TENM4: variants seen among roughly 807,000 people sequenced by gnomAD.
The protein encoded by TENM4 is teneurin transmembrane protein 4.
Under a neutral mutation model 243.3 loss-of-function variants are expected in TENM4, and 82 were observed. The ratio of observed to expected loss-of-function variants is 0.34; its 90% CI spans 0.28 to 0.40. The LOEUF (loss-of-function observed/expected upper bound fraction) is 0.40. Among genes scored for constraint, TENM4 ranks in the 10% least tolerant of loss-of-function variants. TENM4 has a pLI of 1.00. For synonymous variants in TENM4, 1,412 were observed against 1,456.3 expected (o/e 0.97, Z 0.69); for missense variants, 3,138 against 3,673.3 (o/e 0.85, Z 3.77).
intron 4 of TENM4, among the ~76,000 whole-genome samples, chr11:79,143,035 G>A (rs1188378660): frequency 6.6e-6 from 1 of 152,130 alleles, no homozygotes; most frequent in Non-Finnish European, 1.5e-5. Flanking sequence ...AACATGTGCT[G>A]GAGAGGATGT....
At chr11:79,411,030 C>T (rs887932054) in intron 1 of TENM4, among the ~76,000 whole-genome samples, 1 of 152,224 alleles carries the variant, frequency 6.6e-6, no homozygotes, top group Non-Finnish European at 1.5e-5. Context: ...CCCATATTCT[C>T]TACTAGCTTG....
At chr11:78,718,705 G>A (rs1324292613) in intron 25 of TENM4, among the ~76,000 whole-genome samples, 1 of 152,182 alleles carries the variant, frequency 6.6e-6, no homozygotes, top group Non-Finnish European at 1.5e-5. Context: ...ACATAGTTCA[G>A]TATCATCCAT....
intron 6 of TENM4, among the ~76,000 whole-genome samples, chr11:79,002,645 C>A (rs1353263813): frequency 6.6e-6 from 1 of 152,270 alleles, no homozygotes; most frequent in Non-Finnish European, 1.5e-5. Context: ...ATCAAAAAAA[C>A]CCATTGGAAG....
intron 9 of TENM4, among the ~76,000 whole-genome samples, chr11:78,871,371 T>C (rs1859124447): frequency 6.6e-6 from 1 of 152,170 alleles, no homozygotes; most frequent in East Asian, 1.9e-4. Flanking sequence ...ATCTTCATTG[T>C]GTATCAAGGT....
At chr11:79,421,150 T>G (rs2135590004) in intron 1 of TENM4, among the ~76,000 whole-genome samples, 1 of 152,344 alleles carries the variant, frequency 6.6e-6, no homozygotes, top group Non-Finnish European at 1.5e-5. Context: ...CACTGGTCAA[T>G]TTTTGCAATG....
intron 2 of TENM4, among the ~76,000 whole-genome samples, chr11:79,275,525 C>G (rs1856041008): frequency 6.6e-6 from 1 of 152,216 alleles, no homozygotes; most frequent in Admixed American, 6.5e-5. Context: ...ACAACTCCAC[C>G]AGGCAGGTAC....
chr11:78,999,443 G>A (rs1858259919), intron 6 of TENM4, among the ~76,000 whole-genome samples: 1 of 151,310 alleles, frequency 6.6e-6, no homozygotes, highest in African/African-American at 2.4e-5. Flanking sequence ...ATGAACCCGG[G>A]AGACGGAGCT....
At chr11:78,732,713 T>C (rs1237905139) in intron 20 of TENM4, 136 bp from the exon 21 acceptor site, 41 of 1,029,868 alleles carry the variant, frequency 4.0e-5, no homozygotes, top group Non-Finnish European at 5.4e-5. Context: ...CTCTAATGCC[T>C]AAATATTTGA....
chr11:79,129,337 A>T (rs2137155713), intron 4 of TENM4, among the ~76,000 whole-genome samples: 1 of 152,288 alleles, frequency 6.6e-6, no homozygotes, highest in South Asian at 2.1e-4. Context: ...TCTCCAGCTG[A>T]ACTCTGTAAC....
intron 6 of TENM4, among the ~76,000 whole-genome samples, chr11:78,994,774 T>G (rs1216937746): frequency 6.6e-6 from 1 of 152,206 alleles, no homozygotes; most frequent in Non-Finnish European, 1.5e-5. Context: ...TATCAATCTC[T>G]GTTTTGTGTT....
chr11:79,200,881 C>T (rs747174955), intron 3 of TENM4, among the ~76,000 whole-genome samples: 2 of 152,208 alleles, frequency 1.3e-5, no homozygotes, highest in Non-Finnish European at 2.9e-5. Context: ...CTCTGGTTGC[C>T]TTAATACCCA....
At chr11:79,214,664 C>T (rs1410128809) in intron 3 of TENM4, among the ~76,000 whole-genome samples, 3 of 152,228 alleles carry the variant, frequency 2.0e-5, no homozygotes, top group African/African-American at 7.2e-5. Flanking sequence ...TCCCACACCT[C>T]CTGGAATCCC....
chr11:78,780,085 C>T (rs1001661677), intron 16 of TENM4, among the ~76,000 whole-genome samples: 7 of 151,986 alleles, frequency 4.6e-5, no homozygotes, highest in African/African-American at 1.2e-4. Context: ...TTACAGATGT[C>T]GTGGAGTCCA....
At chr11:79,347,681 C>A (rs1834721030) in intron 1 of TENM4, among the ~76,000 whole-genome samples, 1 of 151,960 alleles carries the variant, frequency 6.6e-6, no homozygotes, top group Admixed American at 6.5e-5. Flanking sequence ...CTTCAGCCTC[C>A]ATTTCCCTGT....
chr11:78,744,521 G>A (rs1245969420), intron 19 of TENM4, among the ~76,000 whole-genome samples: 1 of 152,332 alleles, frequency 6.6e-6, no homozygotes, highest in East Asian at 1.9e-4. Context: ...GATTCGCCAT[G>A]AGAACTTGGG....
chr11:79,318,169 A>T (rs951325995), intron 1 of TENM4, among the ~76,000 whole-genome samples: 1 of 152,166 alleles, frequency 6.6e-6, no homozygotes, highest in African/African-American at 2.4e-5. Context: ...ATACAAAGAC[A>T]GTCAATACAA....
intron 3 of TENM4, among the ~76,000 whole-genome samples, chr11:79,175,218 TATAGCTGAGAA>T (rs1863134548): frequency 6.6e-6 from 1 of 152,160 alleles, no homozygotes; most frequent in Admixed American, 6.6e-5. Flanking sequence ...GTCCAATGCC[TATAGCTGAGAA>T]ATTATAATAA....
chr11:79,382,846 C>T (rs1327438261), intron 1 of TENM4, among the ~76,000 whole-genome samples: 1 of 152,150 alleles, frequency 6.6e-6, no homozygotes, highest in African/African-American at 2.4e-5. Context: ...AAAACCACTG[C>T]CATCAACCCT....
At chr11:79,132,361 A>AAAAAAAAAAAG (rs1353670850) in intron 4 of TENM4, among the ~76,000 whole-genome samples, 1 of 149,992 alleles carries the variant, frequency 6.7e-6, no homozygotes, top group African/African-American at 2.4e-5. Context: ...AAAAAAAAAA[A>AAAAAAAAAAAG]AGAGAAATGA....
Sources: allele counts gnomAD v4.1 joint callset (sites outside exome capture counted in the v4.1 genomes callset), GRCh38; gene constraint gnomAD v4.1.1; transcripts MANE v1.5; gene names NCBI Gene and HGNC (gene_info 2026-07-23, HGNC 2026-07-21).